The following KCNIP4 variants were observed in gnomAD, a reference collection of about 807,000 sequenced individuals.
The protein encoded by KCNIP4 is potassium voltage-gated channel interacting protein 4.
A neutral mutation model predicts 34.0 loss-of-function variants in KCNIP4; 12 were observed. That is an observed-to-expected ratio of 0.35 (90% CI 0.23 to 0.57). The LOEUF is 0.57. Among genes scored for constraint, KCNIP4 ranks in the 20% least tolerant of loss-of-function variants. The probability of loss-of-function intolerance (pLI) is 0.83; values close to 1 mark genes in which losing one functional copy is unlikely to be tolerated. For missense variants in KCNIP4, 238 were observed against 311.7 expected, an observed-to-expected ratio of 0.76 and a Z score of 1.78; for synonymous variants, 124 against 102.2, an observed-to-expected ratio of 1.21 and a Z score of -1.29.
chr4:21,618,923 G>A (rs965172552), intron 1 of KCNIP4, among the ~76,000 whole-genome samples: 2 of 151,754 alleles, frequency 1.3e-5, no homozygotes, highest in Admixed American at 1.3e-4. Flanking sequence ...ATGAGCCACC[G>A]TGCCCGGCCA....
chr4:21,730,613 GA>G (rs563045263), intron 1 of KCNIP4, among the ~76,000 whole-genome samples: 15 of 152,072 alleles, frequency 9.9e-5, no homozygotes, highest in Admixed American at 2.0e-4. Flanking sequence ...TTTCATGAGG[GA>G]AAAAAATTAA....
intron 1 of KCNIP4, among the ~76,000 whole-genome samples, chr4:20,981,064 T>C (rs1473937377): frequency 2.0e-5 from 3 of 152,208 alleles, no homozygotes; most frequent in Non-Finnish European, 2.9e-5. Flanking sequence ...GACAATGTCA[T>C]AGTCTAAATA....
chr4:21,468,118 C>A (rs1440282721), intron 1 of KCNIP4, among the ~76,000 whole-genome samples: 2 of 152,172 alleles, frequency 1.3e-5, no homozygotes, highest in Admixed American at 6.6e-5. Flanking sequence ...TGATTTCTTG[C>A]AATCCAGGTT....
intron 3 of KCNIP4, among the ~76,000 whole-genome samples, chr4:20,812,394 A>G (rs1330584307): frequency 6.6e-6 from 1 of 152,172 alleles, no homozygotes; most frequent in East Asian, 1.9e-4. Flanking sequence ...GGATGGCTAC[A>G]CGATACCTTT....
chr4:20,931,113 T>G (rs1000536512), intron 1 of KCNIP4, among the ~76,000 whole-genome samples: 1 of 151,794 alleles, frequency 6.6e-6, no homozygotes. Context: ...CTATTCACAA[T>G]AGTCAACATA....
intron 1 of KCNIP4, among the ~76,000 whole-genome samples, chr4:21,344,945 T>C (rs73249553): frequency 0.098 from 14,902 of 152,164 alleles, 828 homozygotes; most frequent in Middle Eastern, 0.13. Context: ...ACTGCACCTA[T>C]GTATTGTGTA....
At chr4:21,282,459 AGTGTGTGTGT>A (rs34143880) in intron 1 of KCNIP4, among the ~76,000 whole-genome samples, 184 of 146,828 alleles carry the variant, frequency 1.3e-3, no homozygotes, top group East Asian at 3.2e-3. Context: ...AAGATGTGTG[AGTGTGTGTGT>A]GTGTGTGTGT....
intron 1 of KCNIP4, among the ~76,000 whole-genome samples, chr4:21,634,223 C>CAAAAAAAAAAAAAAAAAAAA (rs376741978): frequency 1.8e-5 from 2 of 112,484 alleles, no homozygotes; most frequent in South Asian, 3.4e-4. Context: ...GTTCTTTCCT[C>CAAAAAAAAAAAAAAAAAAAA]AAAAAAAAAA....
At chr4:20,906,073 C>T (rs1727731440) in intron 1 of KCNIP4, among the ~76,000 whole-genome samples, 1 of 149,504 alleles carries the variant, frequency 6.7e-6, no homozygotes, top group African/African-American at 2.5e-5. Context: ...CCCTCCCTTC[C>T]CTCCTTTCTT....
At chr4:21,548,853 A>C (rs1203489210) in intron 1 of KCNIP4, among the ~76,000 whole-genome samples, 1 of 152,100 alleles carries the variant, frequency 6.6e-6, no homozygotes, top group Non-Finnish European at 1.5e-5. Context: ...GTAAAAATTT[A>C]AATTCATACT....
At chr4:20,852,172 AAAAG>A (rs1721107039) in intron 2 of KCNIP4, among the ~76,000 whole-genome samples, 1 of 65,868 alleles carries the variant, frequency 1.5e-5, no homozygotes, top group East Asian at 5.5e-4. Context: ...TGACATAACC[AAAAG>A]AGAACACTAC....
At chr4:21,148,781 G>T (rs1340681169) in intron 1 of KCNIP4, among the ~76,000 whole-genome samples, 1 of 151,774 alleles carries the variant, frequency 6.6e-6, no homozygotes. Flanking sequence ...GAAAAGGACA[G>T]CACAATTCAA....
chr4:21,944,696 G>A (rs190064446), intron 1 of KCNIP4, among the ~76,000 whole-genome samples: 1 of 152,130 alleles, frequency 6.6e-6, no homozygotes, highest in Admixed American at 6.5e-5. Flanking sequence ...GCTCAATACT[G>A]GGGATAAAGT....
chr4:21,391,178 T>A (rs2109514982), intron 1 of KCNIP4, among the ~76,000 whole-genome samples: 1 of 152,306 alleles, frequency 6.6e-6, no homozygotes, highest in Admixed American at 6.5e-5. Flanking sequence ...TACTATTAAG[T>A]AATTTCTATA....
intron 1 of KCNIP4, among the ~76,000 whole-genome samples, chr4:21,537,947 G>A (rs1464812926): frequency 1.4e-5 from 2 of 147,294 alleles, no homozygotes; most frequent in Admixed American, 6.8e-5. Flanking sequence ...GGGAGGCGGA[G>A]GTTGAAGTAA....
chr4:20,758,831 A>G lies in KCNIP4; in HGVS notation c.348T>C (p.Phe116=), dbSNP rs747018900. The G allele has an allele frequency of 1.9e-6, 3 of 1,612,908 alleles. No individual in the cohort carries two copies. The highest frequency in any genetic ancestry group is 2.5e-6 in the Non-Finnish European group (3 of 1,179,062). The change falls in exon 4 of 9, where the codon TTT becomes TTC. Residue 116 remains phenylalanine, a synonymous_variant. Coordinates refer to ENST00000382152, the MANE Select transcript of KCNIP4 (RefSeq NM_025221.6). ...ETFKEIYSQF[F]PQGDSTTYAH... ...CACATTTGTACTTACCTCCCTGTGG[A>G]AAGAACTGCGAGTAAATCTCTTTGA... is the stretch of plus-strand genomic sequence containing the variant.
intron 1 of KCNIP4, among the ~76,000 whole-genome samples, chr4:21,290,400 C>T (rs986657320): frequency 1.3e-5 from 2 of 151,976 alleles, no homozygotes; most frequent in Non-Finnish European, 2.9e-5. Context: ...TTAAAATTAA[C>T]CTCCAAAAAA....
Position 21,799,686 on chromosome 4 carries a change from T to C in KCNIP4, c.61+148885A>G, listed in dbSNP as rs571407945. ...GATAAAGACTTCATGTTCAGGCCCTTAGAACAGCATTGAAGACACACTTCT... is the reference window on the plus strand; with the variant it reads ...GATAAAGACTTCATGTTCAGGCCCTCAGAACAGCATTGAAGACACACTTCT... On this transcript the variant is annotated intron_variant, in intron 1 of 8. Transcript: ENST00000382152. 7.1e-4 allele frequency among the ~76,000 whole-genome samples: 108 copies of C among 152,260 alleles called. 1 individual carries two copies. The highest frequency in any genetic ancestry group is 2.4e-3 in the African/African-American group (99 of 41,566).
chr4:21,357,381 C>T (rs1476356548), intron 1 of KCNIP4, among the ~76,000 whole-genome samples: 1 of 152,068 alleles, frequency 6.6e-6, no homozygotes, highest in Non-Finnish European at 1.5e-5. Flanking sequence ...GAAGAGGCAA[C>T]CTATGGAATG....
Sources: allele counts gnomAD v4.1 joint callset (sites outside exome capture counted in the v4.1 genomes callset), GRCh38; gene constraint gnomAD v4.1.1; transcripts MANE v1.5; gene names NCBI Gene and HGNC (gene_info 2026-07-23, HGNC 2026-07-21).